LIPC: variants seen among roughly 807,000 people sequenced by gnomAD.
LIPC encodes the protein lipase C, hepatic type.
Under a neutral mutation model 50.7 loss-of-function variants are expected in LIPC, and 44 were observed. The ratio of observed to expected loss-of-function variants is 0.87; its 90% CI spans 0.68 to 1.11. The LOEUF (loss-of-function observed/expected upper bound fraction) is 1.11. LIPC is among the 50% of genes most tolerant of loss of function. The pLI is 0.00. For missense variants in LIPC, 697 were observed against 648.2 expected (o/e 1.08, Z -0.82); for synonymous variants, 271 against 256.4 (o/e 1.06, Z -0.54).
At chr15:58,454,478 C>T (rs1223789998) in intron 1 of LIPC, 1 of 152,194 alleles carries the variant, frequency 6.6e-6, no homozygotes, top group Admixed American at 6.5e-5. Flanking sequence ...TGACCTTGAG[C>T]TTGAGCTCCA....
chr15:58,527,029 C>G (rs1823697), intron 1 of LIPC, among the ~76,000 whole-genome samples: 150,169 of 152,336 alleles, frequency 0.99, 74,056 homozygotes, highest in Middle Eastern at 1. Flanking sequence ...TGGAAACTGT[C>G]GGGTACCTGC....
intron 1 of LIPC, among the ~76,000 whole-genome samples, chr15:58,534,489 G>T (rs1193248493): frequency 1.3e-5 from 2 of 152,196 alleles, no homozygotes; most frequent in African/African-American, 4.8e-5. Flanking sequence ...CTCAATTACA[G>T]TGAAGAATCT....
At position 58,563,615 on chromosome 15, in the gene LIPC, C is replaced by T. The variant is rs1437322815; in HGVS notation, c.1280C>T (p.Ala427Val). Reference sequence around the variant, plus strand: ...AAGTGGGAAAACAGTGCAGTGTGGGCCAATGTCTGGGACACGGTCCAGACC... The same window carrying T: ...AAGTGGGAAAACAGTGCAGTGTGGGTCAATGTCTGGGACACGGTCCAGACC... ...KFKWENSAVW[A>V]NVWDTVQTII... Residue 427 changes from alanine (A) to valine (V), a missense_variant, in exon 8 of 9, where the codon GCC (alanine) becomes GTC (valine). Physicochemically the swap from Ala to Val is moderately conservative, Grantham distance 64. Transcript: ENST00000299022. 1 of 1,614,100 alleles carries T rather than the reference C, an allele frequency of 6.2e-7. No homozygotes were observed. Among genetic ancestry groups the T allele is most frequent in the African/African-American group, 1.3e-5 (1 of 75,032 alleles).
intron 1 of LIPC, among the ~76,000 whole-genome samples, chr15:58,449,908 T>C (rs986709992): frequency 1.4e-4 from 22 of 152,170 alleles, no homozygotes; most frequent in Admixed American, 6.5e-5. Flanking sequence ...TTCTGCTTTG[T>C]CTGGTGATGT....
intron 3 of LIPC, 85 bp downstream of exon 3, chr15:58,542,052 A>G (rs912640839): frequency 3.3e-5 from 47 of 1,429,654 alleles, no homozygotes; most frequent in Non-Finnish European, 4.3e-5. Context: ...GGTCTCCAAC[A>G]GCAGCCCAGG....
Position 58,542,359 on chromosome 15 carries a change from C to T in LIPC, c.457-175C>T, listed in dbSNP as rs532370096. The stretch of plus-strand genomic sequence containing the variant: ...AGCTACAAGGCGAGGTCACAGGTAC[C>T]TGAGTCCCAGGAGAGTCAGCCAGTT... On this transcript the variant is annotated intron_variant, in intron 3 of 8. Coordinates refer to ENST00000299022, the MANE Select transcript of LIPC (RefSeq NM_000236.3). 4.6e-5 allele frequency among the ~76,000 whole-genome samples: 7 copies of T among 152,282 alleles called. No individual in the cohort carries two copies. The South Asian group carries it at 1.2e-3, about 27-fold the overall frequency.
At chr15:58,449,610 C>T (rs1893830644) in intron 1 of LIPC, among the ~76,000 whole-genome samples, 1 of 151,626 alleles carries the variant, frequency 6.6e-6, no homozygotes, top group African/African-American at 2.4e-5. Context: ...TGTGCAGTAG[C>T]ACGATCCTGG....
chr15:58,499,838 G>A (rs762804303), intron 1 of LIPC, among the ~76,000 whole-genome samples: 9 of 152,324 alleles, frequency 5.9e-5, no homozygotes, highest in South Asian at 2.1e-4. Flanking sequence ...GTCCTGGGGA[G>A]GAGGTAAAGT....
At position 58,505,263 on chromosome 15, in the gene LIPC, C is replaced by T. The variant is rs190592216; in HGVS notation, c.89-33070C>T. 2.0e-3 allele frequency among the ~76,000 whole-genome samples: 300 copies of T among 152,364 alleles called. 1 individual carries two copies. The Middle Eastern group carries it at 0.02, about 10-fold the overall frequency. ...GGCCACATGCCAACTCCAGCCTCTGCTACATATGGTCCCAGCCCCCCTACT... is the reference window on the plus strand; with the variant it reads ...GGCCACATGCCAACTCCAGCCTCTGTTACATATGGTCCCAGCCCCCCTACT... On this transcript the variant is annotated intron_variant, in intron 1 of 8. Transcript: ENST00000299022.
intron 4 of LIPC, among the ~76,000 whole-genome samples, chr15:58,545,232 C>T (rs1462813323): frequency 6.6e-6 from 1 of 151,542 alleles, no homozygotes; most frequent in Non-Finnish European, 1.5e-5. Context: ...CCCTCATAAC[C>T]TTATTCCTTT....
intron 1 of LIPC, among the ~76,000 whole-genome samples, chr15:58,467,802 C>T (rs1486519156): frequency 6.6e-6 from 1 of 152,178 alleles, no homozygotes; most frequent in Non-Finnish European, 1.5e-5. Flanking sequence ...ACATCAAATC[C>T]TGTCCGCCGC....
chr15:58,486,233 G>A (rs1294523708), intron 1 of LIPC, among the ~76,000 whole-genome samples: 1 of 152,200 alleles, frequency 6.6e-6, no homozygotes, highest in East Asian at 1.9e-4. Context: ...CTCCTTGGAT[G>A]AGTCTCACCC....
intron 8 of LIPC, chr15:58,565,213 T>A (rs1260695612): frequency 2.5e-5 from 39 of 1,535,618 alleles, no homozygotes; most frequent in Non-Finnish European, 3.4e-5. Context: ...AAGATTAAAC[T>A]GCTCGCTCCT....
At chr15:58,484,953 G>A (rs376042109) in intron 1 of LIPC, among the ~76,000 whole-genome samples, 1 of 152,230 alleles carries the variant, frequency 6.6e-6, no homozygotes, top group African/African-American at 2.4e-5. Context: ...AACTCACCAA[G>A]GCCACCAGAA....
chr15:58,488,537 A>G (rs532636151), intron 1 of LIPC, among the ~76,000 whole-genome samples: 2 of 152,190 alleles, frequency 1.3e-5, no homozygotes, highest in Non-Finnish European at 2.9e-5. Flanking sequence ...TGGAAGGAAA[A>G]TATTTAGTCC....
chr15:58,463,654 G>A (rs1488242656), intron 1 of LIPC, among the ~76,000 whole-genome samples: 4 of 152,080 alleles, frequency 2.6e-5, no homozygotes, highest in East Asian at 1.9e-4. Context: ...CTGAGATTGC[G>A]CAGGTATTCA....
intron 1 of LIPC, among the ~76,000 whole-genome samples, chr15:58,480,400 T>C (rs1028947923): frequency 1.6e-4 from 25 of 152,196 alleles, no homozygotes; most frequent in African/African-American, 5.8e-4. Context: ...GTTCAAGCGA[T>C]TCTCCTGCCT....
At chr15:58,568,245 C>T (rs1483963501) in intron 8 of LIPC, among the ~76,000 whole-genome samples, 1 of 152,116 alleles carries the variant, frequency 6.6e-6, no homozygotes, top group African/African-American at 2.4e-5. Context: ...AGGCAGAAAC[C>T]GATGACACTG....
chr15:58,503,915 C>A (rs1332127262), intron 1 of LIPC, among the ~76,000 whole-genome samples: 5 of 148,638 alleles, frequency 3.4e-5, no homozygotes, highest in Non-Finnish European at 5.9e-5. Flanking sequence ...ACCCACACCC[C>A]CACCCAAACA....
Sources: gnomAD v4.1 joint callset for allele counts (sites outside exome capture counted in the v4.1 genomes callset) on GRCh38, gnomAD v4.1.1 for gene constraint, MANE v1.5 for transcripts, NCBI Gene and HGNC (gene_info 2026-07-23, HGNC 2026-07-21) for gene names.